Variants in VSTM2L observed in about 807,000 individuals in gnomAD.
VSTM2L encodes the protein V-set and transmembrane domain containing 2 like.
Under a neutral mutation model 19.9 loss-of-function variants are expected in VSTM2L, and 9 were observed. The observed-to-expected ratio is 0.45, with a 90% CI of 0.27 to 0.79. The LOEUF (loss-of-function observed/expected upper bound fraction) is 0.79, where lower values mean the gene tolerates loss of function less well. VSTM2L is among the 30% of genes least tolerant of loss of function. VSTM2L has a pLI of 0.15. For missense variants in VSTM2L, 286 were observed against 295.5 expected (o/e 0.97, Z 0.24); for synonymous variants, 127 against 133.8 (o/e 0.95, Z 0.35).
At chr20:37,906,027 G>A (rs1480624176) in intron 1 of VSTM2L, among the ~76,000 whole-genome samples, 2 of 142,202 alleles carry the variant, frequency 1.4e-5, no homozygotes, top group Non-Finnish European at 3.1e-5. Context: ...TGGCCCAGTC[G>A]GGAAGGTGTC....
At chr20:37,921,009 AC>A (rs1466646075) in intron 1 of VSTM2L, among the ~76,000 whole-genome samples, 1 of 152,158 alleles carries the variant, frequency 6.6e-6, no homozygotes, top group African/African-American at 2.4e-5. Flanking sequence ...AGGGTCCCTG[AC>A]CTGGGAGAGT....
chr20:37,904,642 A>C (rs1023659286), intron 1 of VSTM2L, among the ~76,000 whole-genome samples: 1 of 152,236 alleles, frequency 6.6e-6, no homozygotes, highest in African/African-American at 2.4e-5. Context: ...CTGCAGCCCC[A>C]GTGCTGGGCA....
chr20:37,933,094 A>G lies in VSTM2L; in HGVS notation c.292-445A>G, dbSNP rs531822542. 7.9e-4 allele frequency among the ~76,000 whole-genome samples: 121 copies of G among 152,302 alleles called. 1 individual carries two copies. Among genetic ancestry groups the G allele is most frequent in the African/African-American group, 2.9e-3 (119 of 41,570 alleles). On this transcript the variant is annotated intron_variant, in intron 2 of 3. Transcript: ENST00000373461. Reference sequence around the variant, plus strand: ...GGAAGCTTCCAGGGTCAGTTTGCAAAGGTGGGGAATGTGGGCAGGGTTCCC... The same window carrying G: ...GGAAGCTTCCAGGGTCAGTTTGCAAGGGTGGGGAATGTGGGCAGGGTTCCC...
At chr20:37,940,979 G>T (rs534107097) in intron 3 of VSTM2L, among the ~76,000 whole-genome samples, 1 of 152,318 alleles carries the variant, frequency 6.6e-6, no homozygotes, top group Admixed American at 6.5e-5. Flanking sequence ...ACTTTGAGAT[G>T]AGATTTGGGT....
chr20:37,903,165 C>T lies in VSTM2L; in HGVS notation c.-186C>T, dbSNP rs1429040156. Reference sequence around the variant, plus strand: ...GCCGGCTGGGCGTGCGCTCGCTCCCCGAAGCCGGGGCTGGGCCGGAGCCGG... The same window carrying T: ...GCCGGCTGGGCGTGCGCTCGCTCCCTGAAGCCGGGGCTGGGCCGGAGCCGG... On this transcript the variant is annotated 5_prime_UTR_variant, in exon 1 of 4. Coordinates refer to ENST00000373461, the MANE Select transcript of VSTM2L (RefSeq NM_080607.3). The T allele has an allele frequency of 1.9e-5, 15 of 793,994 alleles. No individual in the cohort carries two copies. The East Asian group carries it at 2.0e-4, about 11-fold the overall frequency. The allele number at this position is 793,994 out of a possible 1,614,324, so 49.2% of individuals were successfully genotyped here.
At chr20:37,912,632 C>A (rs939259920) in intron 1 of VSTM2L, among the ~76,000 whole-genome samples, 1 of 152,222 alleles carries the variant, frequency 6.6e-6, no homozygotes, top group Middle Eastern at 3.2e-3. Flanking sequence ...CAATACCAGC[C>A]TTCCCTGCCA....
chr20:37,939,541 T>C (rs1316427559), intron 3 of VSTM2L, among the ~76,000 whole-genome samples: 1 of 152,240 alleles, frequency 6.6e-6, no homozygotes. Flanking sequence ...GTTGCTGTTA[T>C]TATTTTTATT....
rs953892328 is a variant in VSTM2L, at chr20:37,945,245, G to C, written c.*992G>C. On this transcript the variant is annotated 3_prime_UTR_variant, in exon 4 of 4. Coordinates refer to ENST00000373461, the MANE Select transcript of VSTM2L (RefSeq NM_080607.3). ...GGCTGCCGCAGCTCAGTGATGACGT[G>C]GGGGAGGTGGGAGAGGCCGAGGGCT... The C allele has an allele frequency of 3.0e-6, 3 of 985,380 alleles. No individual in the cohort carries two copies. Among genetic ancestry groups the C allele is most frequent in the Non-Finnish European group, 1.2e-6 (1 of 829,980 alleles). 61.0% of individuals were successfully genotyped at this position (985,380 alleles called of 1,614,324 possible).
intron 1 of VSTM2L, among the ~76,000 whole-genome samples, chr20:37,925,140 C>T (rs544468224): frequency 2.6e-5 from 4 of 151,976 alleles, no homozygotes; most frequent in African/African-American, 9.7e-5. Context: ...TTAAACGAAG[C>T]TTTCTTTCCT....
chr20:37,929,804 G>A lies in VSTM2L; in HGVS notation c.122-1831G>A, dbSNP rs539449601. On this transcript the variant is annotated intron_variant, in intron 1 of 3. Coordinates refer to ENST00000373461, the MANE Select transcript of VSTM2L (RefSeq NM_080607.3). ...TGAAGACTGAATGTGGGAAGGGAGA[G>A]TGGAGGGAGGGAGCCCAGGGTGACT... is the stretch of plus-strand genomic sequence containing the variant. 3.7e-4 allele frequency among the ~76,000 whole-genome samples: 56 copies of A among 152,214 alleles called. 1 individual carries two copies. The South Asian group carries it at 1.0e-2, about 27-fold the overall frequency.
Position 37,944,433 on chromosome 20 carries a change from CTGCCCTTTCAGA to C in VSTM2L, c.*181_*192del. 2 of 1,189,374 alleles carry C rather than the reference CTGCCCTTTCAGA, an allele frequency of 1.7e-6. No homozygotes were observed. The highest frequency in any genetic ancestry group is 1.6e-5 in the African/African-American group (1 of 63,924). 73.7% of individuals were successfully genotyped at this position (1,189,374 alleles called of 1,614,324 possible). Reference sequence around the variant, plus strand: ...CTCAGCATGTAAGCCCCACCCACCCCTGCCCTTTCAGACCCCTGCGGTGACCTGGCTCGGAGA... The same window carrying C: ...CTCAGCATGTAAGCCCCACCCACCCCCCCCTGCGGTGACCTGGCTCGGAGA... On this transcript the variant is annotated 3_prime_UTR_variant, in exon 4 of 4. Coordinates refer to ENST00000373461, the MANE Select transcript of VSTM2L (RefSeq NM_080607.3).
Position 37,944,156 on chromosome 20 carries a change from T to C in VSTM2L, c.518T>C (p.Leu173Pro). The change falls in exon 4 of 4, where the codon CTG (leucine) becomes CCG (proline). Residue 173 changes from leucine (L) to proline (P), a missense_variant. By Grantham distance (98) the Leu-to-Pro change is moderately conservative. Transcript: ENST00000373461. ...CCAGGGGAGAACTCCGTCCTGCATC[T>C]GCCCGAAGCCCCTCCCGCCGCGCCC... is the stretch of plus-strand genomic sequence containing the variant. ...VQPGENSVLH[L>P]PEAPPAAPAP... is the part of the protein sequence containing the mutation. 1.3e-6 allele frequency: 2 copies of C among 1,589,354 alleles called. No individual in the cohort carries two copies. Among genetic ancestry groups the C allele is most frequent in the Non-Finnish European group, 1.7e-6 (2 of 1,167,280 alleles).
chr20:37,944,987 C>A lies in VSTM2L; in HGVS notation c.*734C>A. The A allele has an allele frequency of 6.1e-6, 6 of 985,762 alleles. No homozygotes were observed. Among genetic ancestry groups the A allele is most frequent in the Non-Finnish European group, 7.2e-6 (6 of 829,940 alleles). 61.1% of individuals were successfully genotyped at this position (985,762 alleles called of 1,614,324 possible). ...GGCAGAGTTTTGCACCAGCAGGACCCCTTTGAGGGCCTTCAAGGCTCTCCC... is the reference window on the plus strand; with the variant it reads ...GGCAGAGTTTTGCACCAGCAGGACCACTTTGAGGGCCTTCAAGGCTCTCCC... On this transcript the variant is annotated 3_prime_UTR_variant, in exon 4 of 4. Transcript: ENST00000373461.
chr20:37,929,973 G>GC (rs1362853963), intron 1 of VSTM2L, among the ~76,000 whole-genome samples: 8 of 152,136 alleles, frequency 5.3e-5, no homozygotes, highest in African/African-American at 1.7e-4. Flanking sequence ...GTGTGATGGC[G>GC]CCCCACACCA....
chr20:37,932,041 G>C (rs1320207927), intron 2 of VSTM2L, among the ~76,000 whole-genome samples: 1 of 152,180 alleles, frequency 6.6e-6, no homozygotes, highest in Non-Finnish European at 1.5e-5. Flanking sequence ...AATGGCCACA[G>C]CAAGGAGGGC....
At chr20:37,921,891 G>A (rs1286403447) in intron 1 of VSTM2L, among the ~76,000 whole-genome samples, 2 of 128,766 alleles carry the variant, frequency 1.6e-5, no homozygotes, top group African/African-American at 6.2e-5. Context: ...CACCCAGGCT[G>A]GAGTGCAGTG....
intron 3 of VSTM2L, among the ~76,000 whole-genome samples, chr20:37,940,449 G>A (rs983253325): frequency 6.6e-6 from 1 of 152,222 alleles, no homozygotes; most frequent in Non-Finnish European, 1.5e-5. Context: ...CATGAGGGAG[G>A]AAGATCAGGC....
chr20:37,939,299 A>T (rs1334306882), intron 3 of VSTM2L, among the ~76,000 whole-genome samples: 2 of 151,862 alleles, frequency 1.3e-5, no homozygotes, highest in Non-Finnish European at 2.9e-5. Context: ...ACAGCTACTC[A>T]GGAGGTCGGA....
chr20:37,934,184 C>G (rs147214783), intron 3 of VSTM2L, among the ~76,000 whole-genome samples: 440 of 152,338 alleles, frequency 2.9e-3, no homozygotes, highest in Middle Eastern at 0.014. Context: ...AGCTACCTGG[C>G]TTCAGGGCTG....
Sources: allele counts gnomAD v4.1 joint callset (sites outside exome capture counted in the v4.1 genomes callset), GRCh38; gene constraint gnomAD v4.1.1; transcripts MANE v1.5; gene names NCBI Gene and HGNC (gene_info 2026-07-23, HGNC 2026-07-21).